Variants in PEX7 observed in about 807,000 individuals in gnomAD.
The protein encoded by PEX7 is peroxisomal biogenesis factor 7.
In PEX7, 34 loss-of-function variants were observed where a neutral mutation model predicts 47.5. The observed-to-expected ratio is 0.72, with a 90% CI of 0.54 to 0.95. The LOEUF is 0.95. PEX7 is among the 40% of genes least tolerant of loss of function. The probability of loss-of-function intolerance (pLI) is 0.00; values close to 1 mark genes in which losing one functional copy is unlikely to be tolerated. For missense variants in PEX7, 394 were observed against 400.3 expected, an observed-to-expected ratio of 0.98 and a Z score of 0.13; for synonymous variants, 141 against 148.8, an observed-to-expected ratio of 0.95 and a Z score of 0.38.
Position 136,900,709 on chromosome 6 carries a change from A to T in PEX7, c.903+2468A>T. 1 of 341,292 alleles carries T rather than the reference A, an allele frequency of 2.9e-6. No individual in the cohort carries two copies. Among genetic ancestry groups the T allele is most frequent in the South Asian group, 2.4e-5 (1 of 41,630 alleles). 21.1% of individuals were successfully genotyped at this position (341,292 alleles called of 1,614,324 possible). A position where few individuals can be genotyped will look rare whatever the true frequency, so the allele number is the denominator to read the frequency against. ...ATCCACGTCATGTGCAGTCACCGCC[A>T]GCTGAGCCTTCTTCTTCTCCACCAA... On this transcript the variant is annotated intron_variant, in intron 9 of 9. Coordinates refer to ENST00000318471, the MANE Select transcript of PEX7 (RefSeq NM_000288.4). This position sits in a 1 kb window ranked among gnomAD's most constrained non-coding sequence, Gnocchi z 4.2.
At chr6:136,834,361 C>T (rs9483952) in intron 3 of PEX7, among the ~76,000 whole-genome samples, 86,028 of 152,004 alleles carry the variant, frequency 0.57, 24,412 homozygotes, top group Admixed American at 0.62. Flanking sequence ...GGACTATAGG[C>T]GCTTGCCACC....
chr6:136,889,760 T>G (rs983630293), intron 8 of PEX7, among the ~76,000 whole-genome samples: 2 of 152,168 alleles, frequency 1.3e-5, no homozygotes, highest in African/African-American at 4.8e-5. Flanking sequence ...AGCATATTCT[T>G]TAGAAATATA....
chr6:136,860,646 ACCC>A (rs1243058195), intron 5 of PEX7, among the ~76,000 whole-genome samples: 1 of 146,098 alleles, frequency 6.8e-6, no homozygotes, highest in Middle Eastern at 3.2e-3. Context: ...GTGCACATGT[ACCC>A]TAAAACTTAA....
chr6:136,868,780 G>T (rs891170922), intron 6 of PEX7, among the ~76,000 whole-genome samples: 3 of 151,524 alleles, frequency 2.0e-5, no homozygotes, highest in Non-Finnish European at 2.9e-5. Flanking sequence ...TGAGTTATGT[G>T]GGGTGGACTG....
At chr6:136,879,660 TTC>T (rs1562750156) in intron 8 of PEX7, among the ~76,000 whole-genome samples, 3 of 152,190 alleles carry the variant, frequency 2.0e-5, no homozygotes, top group African/African-American at 7.2e-5. Flanking sequence ...TCTTCTTTTA[TTC>T]CTAGAAAGTT....
At chr6:136,830,198 T>A in intron 3 of PEX7, 1 of 604,170 alleles carries the variant, frequency 1.7e-6, no homozygotes, top group Non-Finnish European at 2.9e-6. Flanking sequence ...GTGTTTTTAT[T>A]TGCAAACTAA....
intron 8 of PEX7, among the ~76,000 whole-genome samples, chr6:136,893,064 T>C (rs1277362957): frequency 6.6e-6 from 1 of 152,184 alleles, no homozygotes; most frequent in Non-Finnish European, 1.5e-5. Flanking sequence ...ATGGGACCCC[T>C]CTTCACTATC....
chr6:136,873,884 T>C (rs1775223021), intron 8 of PEX7, among the ~76,000 whole-genome samples: 1 of 152,190 alleles, frequency 6.6e-6, no homozygotes, highest in South Asian at 2.1e-4. Flanking sequence ...TTTATGGAGA[T>C]AATCATGATT....
chr6:136,858,144 G>A (rs577982209), intron 5 of PEX7, among the ~76,000 whole-genome samples: 1 of 152,324 alleles, frequency 6.6e-6, no homozygotes, highest in African/African-American at 2.4e-5. Flanking sequence ...TTATTAACAC[G>A]TGTGCCCAGA....
chr6:136,853,220 G>A (rs1300699351), intron 5 of PEX7, among the ~76,000 whole-genome samples: 2 of 152,244 alleles, frequency 1.3e-5, no homozygotes, highest in Non-Finnish European at 2.9e-5. Context: ...TTGAGTAGTT[G>A]TGAGAGAGAC....
chr6:136,870,787 T>G (rs914670191), intron 7 of PEX7: 2 of 407,038 alleles, frequency 4.9e-6, no homozygotes, highest in African/African-American at 4.3e-5. Flanking sequence ...ACCTCTGCCT[T>G]CTGGGTTCAA....
chr6:136,861,032 A>G (rs772908224), intron 5 of PEX7, among the ~76,000 whole-genome samples: 37 of 152,138 alleles, frequency 2.4e-4, no homozygotes, highest in Admixed American at 7.2e-4. Flanking sequence ...CTACAATAAC[A>G]GTTCTTAATC....
At chr6:136,841,392 C>T (rs1455466018) in intron 3 of PEX7, among the ~76,000 whole-genome samples, 1 of 152,156 alleles carries the variant, frequency 6.6e-6, no homozygotes, top group Non-Finnish European at 1.5e-5. Context: ...TGTTCACTAC[C>T]CCCGATCCCT....
chr6:136,830,068 G>A, intron 3 of PEX7: 1 of 715,394 alleles, frequency 1.4e-6, no homozygotes, highest in Non-Finnish European at 2.6e-6. Context: ...TTCTTCTGTG[G>A]AAGAGAGTAT....
At chr6:136,869,755 T>C in intron 6 of PEX7, 135 bp from the exon 7 acceptor site, 5 of 782,032 alleles carry the variant, frequency 6.4e-6, no homozygotes, top group Non-Finnish European at 4.7e-6. Context: ...ATACTTGTTA[T>C]ACAACTTCTC....
intron 3 of PEX7, among the ~76,000 whole-genome samples, chr6:136,842,325 T>C (rs1325687665): frequency 2.0e-5 from 3 of 152,104 alleles, no homozygotes; most frequent in African/African-American, 7.2e-5. Flanking sequence ...CATTTTTAAC[T>C]TCACCACCAT....
At chr6:136,902,336 A>G (rs1297382375) in intron 9 of PEX7, among the ~76,000 whole-genome samples, 2 of 152,178 alleles carry the variant, frequency 1.3e-5, no homozygotes, top group African/African-American at 2.4e-5. Flanking sequence ...AAAGAGATTT[A>G]TCTGAGTTCT....
At chr6:136,897,375 C>A (rs1005050088) in intron 8 of PEX7, among the ~76,000 whole-genome samples, 7 of 152,154 alleles carry the variant, frequency 4.6e-5, no homozygotes, top group African/African-American at 1.7e-4. Flanking sequence ...GCAAATAAAG[C>A]ATTAGAAATA....
intron 8 of PEX7, 22 bp from the exon 9 acceptor site, chr6:136,898,120 T>C: frequency 7.2e-7 from 1 of 1,379,562 alleles, no homozygotes; most frequent in Non-Finnish European, 1.0e-6. Flanking sequence ...TTTAAATTAT[T>C]CCCTTTTATT....
Sources: gnomAD v4.1 joint callset for allele counts (sites outside exome capture counted in the v4.1 genomes callset) on GRCh38, gnomAD v4.1.1 for gene constraint, Gnocchi (gnomAD v3.1) non-coding constraint, MANE v1.5 for transcripts, NCBI Gene and HGNC (gene_info 2026-07-23, HGNC 2026-07-21) for gene names.